The following EDA variants were observed in gnomAD, a reference collection of about 807,000 sequenced individuals.
EDA encodes ectodysplasin-A.
In EDA, 2 loss-of-function variants were observed where a neutral mutation model predicts 23.6. The observed-to-expected ratio is 0.08, with a 90% CI of 0.03 to 0.27. EDA has a LOEUF of 0.27. Among genes scored for constraint, EDA ranks in the 10% least tolerant of loss-of-function variants. The probability of loss-of-function intolerance (pLI) is 1.00; values close to 1 mark genes in which losing one functional copy is unlikely to be tolerated. For missense variants in EDA, 229 were observed against 324.2 expected, an observed-to-expected ratio of 0.71 and a Z score of 2.26; for synonymous variants, 131 against 132.0, an observed-to-expected ratio of 0.99 and a Z score of 0.05.
At chrX:69,664,473 G>A (rs772636115) in intron 1 of EDA, among the ~76,000 whole-genome samples, 4 of 111,839 alleles carry the variant, frequency 3.6e-5, no homozygotes, top group African/African-American at 1.3e-4. Flanking sequence ...GGAACTATGA[G>A]TCAATTAAAC....
At position 70,030,508 on chromosome X, in the gene EDA, C is replaced by A; in HGVS notation, c.781C>A (p.Gln261Lys). ...VHLQGQGSAI[Q>K]VKNDLSGGVL... ...TCTACAGGGCCAAGGGTCAGCAATT[C>A]AAGTCAAGAATGGTAAGAATCAAAA... The change falls in exon 6 of 8, where the codon CAA becomes AAA. Residue 261 changes from glutamine (Q) to lysine (K), a missense_variant. Around this residue, in one of 2 missense-constraint regions of EDA, gnomAD observed 175 missense variants for 281.8 expected, o/e 0.62. Transcript: ENST00000374552. 1 of 1,204,079 alleles carries A rather than the reference C, an allele frequency of 8.3e-7. No homozygotes were observed.
intron 1 of EDA, among the ~76,000 whole-genome samples, chrX:69,788,624 C>G (rs1182928425): frequency 8.9e-6 from 1 of 112,173 alleles, no homozygotes; most frequent in Non-Finnish European, 1.9e-5. Context: ...GGTCAGGGAG[C>G]CACTTGAGGA....
At chrX:69,667,951 T>A (rs890800765) in intron 1 of EDA, among the ~76,000 whole-genome samples, 1 of 111,878 alleles carries the variant, frequency 8.9e-6, no homozygotes, top group African/African-American at 3.2e-5. Flanking sequence ...CTCACAGTAA[T>A]AACAACCTAT....
At chrX:69,884,156 C>T (rs1296169109) in intron 1 of EDA, among the ~76,000 whole-genome samples, 1 of 111,396 alleles carries the variant, frequency 9.0e-6, no homozygotes, top group Non-Finnish European at 1.9e-5. Context: ...TGAGTAGGTC[C>T]CAAAATATAG....
At chrX:69,894,449 A>G (rs2147635463) in intron 1 of EDA, among the ~76,000 whole-genome samples, 1 of 111,861 alleles carries the variant, frequency 8.9e-6, no homozygotes, top group East Asian at 2.8e-4. Flanking sequence ...GAAGAATATC[A>G]TTGGTAGTTT....
chrX:69,942,086 T>G (rs2018766817), intron 1 of EDA, among the ~76,000 whole-genome samples: 1 of 111,988 alleles, frequency 8.9e-6, no homozygotes, highest in Non-Finnish European at 1.9e-5. Context: ...CTCTACACTT[T>G]AACTTCATCC....
At chrX:69,712,663 G>A (rs1490755348) in intron 1 of EDA, among the ~76,000 whole-genome samples, 4 of 110,967 alleles carry the variant, frequency 3.6e-5, no homozygotes, top group Non-Finnish European at 5.7e-5. Flanking sequence ...TGATTCCTCA[G>A]GGATCTATAA....
At chrX:70,015,445 T>C (rs773409217) in intron 2 of EDA, among the ~76,000 whole-genome samples, 16 of 111,189 alleles carry the variant, frequency 1.4e-4, no homozygotes, top group South Asian at 1.1e-3. Flanking sequence ...TGGTGGTGCA[T>C]GCCTGTAATC....
intron 2 of EDA, among the ~76,000 whole-genome samples, chrX:70,000,654 A>G (rs1449243126): frequency 2.7e-5 from 3 of 112,367 alleles, no homozygotes; most frequent in Non-Finnish European, 5.6e-5. Flanking sequence ...CAAAAAGATG[A>G]ATTTGTCTTT....
intron 1 of EDA, among the ~76,000 whole-genome samples, chrX:69,733,592 T>C (rs1448652522): frequency 1.8e-5 from 2 of 112,006 alleles, no homozygotes; most frequent in Non-Finnish European, 3.8e-5. Flanking sequence ...CGGGCTCTTT[T>C]TTGGTTCCAT....
At chrX:69,797,024 A>C (rs2015560115) in intron 1 of EDA, among the ~76,000 whole-genome samples, 1 of 111,348 alleles carries the variant, frequency 9.0e-6, no homozygotes, top group South Asian at 3.8e-4. Flanking sequence ...CCAATCAGAC[A>C]GAAATGAAAA....
At chrX:69,635,486 T>C (rs998342329) in intron 1 of EDA, among the ~76,000 whole-genome samples, 7 of 110,737 alleles carry the variant, frequency 6.3e-5, no homozygotes, top group Non-Finnish European at 1.1e-4. Context: ...CTACCATTCA[T>C]TTACTTATCT....
chrX:69,715,380 T>A (rs886345065), intron 1 of EDA, among the ~76,000 whole-genome samples: 1 of 111,381 alleles, frequency 9.0e-6, no homozygotes, highest in East Asian at 2.8e-4. Context: ...CTAAGGATAA[T>A]GGCCTCAAGC....
intron 1 of EDA, among the ~76,000 whole-genome samples, chrX:69,889,970 G>T (rs978776516): frequency 8.9e-6 from 1 of 111,762 alleles, no homozygotes; most frequent in East Asian, 2.8e-4. Flanking sequence ...TATGGCATGA[G>T]GTAGAGGTCT....
intron 1 of EDA, among the ~76,000 whole-genome samples, chrX:69,669,227 C>T (rs747196721): frequency 7.1e-4 from 78 of 109,209 alleles, no homozygotes; most frequent in Non-Finnish European, 1.3e-3. Flanking sequence ...TTAATCCATT[C>T]GACTACTCTA....
At chrX:69,935,123 CA>C (rs1352291658) in intron 1 of EDA, among the ~76,000 whole-genome samples, 1 of 112,011 alleles carries the variant, frequency 8.9e-6, no homozygotes, top group Non-Finnish European at 1.9e-5. Flanking sequence ...GACAGTATCT[CA>C]TTCTTTTTAT....
intron 1 of EDA, among the ~76,000 whole-genome samples, chrX:69,671,050 A>G (rs1358235156): frequency 9.0e-6 from 1 of 111,312 alleles, no homozygotes; most frequent in Non-Finnish European, 1.9e-5. Flanking sequence ...ACCTCTTCCA[A>G]ACTTTACAGA....
intron 1 of EDA, among the ~76,000 whole-genome samples, chrX:69,710,884 G>A (rs2011987163): frequency 8.9e-6 from 1 of 111,945 alleles, no homozygotes; most frequent in African/African-American, 3.2e-5. Flanking sequence ...AGCTTAAGGA[G>A]ATTTTGGGCT....
In EDA at chrX:69,881,097, C is replaced by T. The variant is rs547987005; in HGVS notation, c.397-75930C>T. ...ACGCATCCTGACACCTCATACCCCA[C>T]GAAGTGCCTTGCCTCCACAAGAAAA... On this transcript the variant is annotated intron_variant, in intron 1 of 7. Transcript: ENST00000374552. Among the ~76,000 whole-genome samples, 14 of 111,875 alleles carry T rather than the reference C, an allele frequency of 1.3e-4. No individual in the cohort carries two copies. In the South Asian group the frequency reaches 5.3e-3, roughly 42 times the overall value.
Sources: gnomAD v4.1 joint callset for allele counts (sites outside exome capture counted in the v4.1 genomes callset) on GRCh38, gnomAD v4.1.1 for gene constraint, gnomAD v4.1.1 regional missense constraint, MANE v1.5 for transcripts, NCBI Gene and HGNC (gene_info 2026-07-23, HGNC 2026-07-21) for gene names.